SMYD3: variants seen among roughly 807,000 people sequenced by gnomAD.
SMYD3 encodes SET and MYND domain containing 3.
A neutral mutation model predicts 57.7 loss-of-function variants in SMYD3; 36 were observed. That is an observed-to-expected ratio of 0.62 (90% CI 0.48 to 0.82). The LOEUF is 0.82. Among genes scored for constraint, SMYD3 ranks in the 40% least tolerant of loss-of-function variants. SMYD3 has a pLI of 0.00. For missense variants in SMYD3, 515 were observed against 538.8 expected (o/e 0.96, Z 0.44); for synonymous variants, 211 against 195.0 (o/e 1.08, Z -0.68).
chr1:245,999,109 T>C (rs954637617), intron 5 of SMYD3, among the ~76,000 whole-genome samples: 2 of 151,958 alleles, frequency 1.3e-5, no homozygotes, highest in African/African-American at 4.8e-5. Flanking sequence ...CACTGAATTA[T>C]ACACTCAGAG....
At chr1:245,928,609 G>A (rs2056533680) in intron 6 of SMYD3, among the ~76,000 whole-genome samples, 1 of 152,110 alleles carries the variant, frequency 6.6e-6, no homozygotes, top group Admixed American at 6.5e-5. Flanking sequence ...AGGAGGCGGA[G>A]GTTGCAGTGA....
intron 5 of SMYD3, among the ~76,000 whole-genome samples, chr1:246,002,938 A>G (rs2059104392): frequency 6.6e-6 from 1 of 152,092 alleles, no homozygotes; most frequent in Non-Finnish European, 1.5e-5. Context: ...GTAGTTCCCA[A>G]CCCATTCTTC....
At chr1:246,209,438 A>G (rs2063052868) in intron 5 of SMYD3, among the ~76,000 whole-genome samples, 1 of 152,212 alleles carries the variant, frequency 6.6e-6, no homozygotes, top group Admixed American at 6.5e-5. Flanking sequence ...CAGGGTATAT[A>G]TAACAAGAGG....
chr1:246,264,757 T>C (rs924287527), intron 5 of SMYD3, among the ~76,000 whole-genome samples: 2 of 152,184 alleles, frequency 1.3e-5, no homozygotes, highest in African/African-American at 4.8e-5. Context: ...TATTACCTGT[T>C]AGTGGCTCTG....
At chr1:245,824,873 A>C (rs113522057) in intron 10 of SMYD3, among the ~76,000 whole-genome samples, 2,786 of 151,500 alleles carry the variant, frequency 0.018, 58 homozygotes, top group East Asian at 0.062. Context: ...AAAAAAACAA[A>C]AAAAAAAATT....
chr1:246,094,039 T>C (rs1315262345), intron 5 of SMYD3, among the ~76,000 whole-genome samples: 1 of 152,098 alleles, frequency 6.6e-6, no homozygotes. Flanking sequence ...AAAAACCCAC[T>C]TGGCCATAAG....
chr1:246,352,294 A>C (rs2148701602), intron 2 of SMYD3, among the ~76,000 whole-genome samples: 1 of 152,300 alleles, frequency 6.6e-6, no homozygotes, highest in Middle Eastern at 3.4e-3. Flanking sequence ...ATCAAATGCT[A>C]AGCTAGTGAA....
At chr1:246,240,331 C>A (rs1180277172) in intron 5 of SMYD3, among the ~76,000 whole-genome samples, 2 of 152,204 alleles carry the variant, frequency 1.3e-5, no homozygotes, top group Non-Finnish European at 2.9e-5. Context: ...TTGCCAGCAA[C>A]ATTTATTAAA....
At chr1:246,179,665 A>G (rs767333803) in intron 5 of SMYD3, among the ~76,000 whole-genome samples, 3 of 152,214 alleles carry the variant, frequency 2.0e-5, no homozygotes, top group Non-Finnish European at 4.4e-5. Context: ...TTCTCCTAGA[A>G]GAAGCCAGAT....
At chr1:246,331,971 C>T (rs1417052312) in intron 3 of SMYD3, among the ~76,000 whole-genome samples, 4 of 39,820 alleles carry the variant, frequency 1.0e-4, no homozygotes, top group East Asian at 3.8e-4. Flanking sequence ...CTCCGCCGAC[C>T]GGCTTATTCC....
chr1:245,771,997 T>A (rs2046357724), intron 10 of SMYD3, among the ~76,000 whole-genome samples: 1 of 152,204 alleles, frequency 6.6e-6, no homozygotes, highest in African/African-American at 2.4e-5. Context: ...AAGTGGGTGA[T>A]GAATCACTGC....
intron 5 of SMYD3, among the ~76,000 whole-genome samples, chr1:246,255,304 TTTG>T (rs2063863961): frequency 8.6e-6 from 1 of 115,878 alleles, no homozygotes; most frequent in Non-Finnish European, 1.9e-5. Flanking sequence ...GATCTTATTA[TTTG>T]ATGGATCTTA....
chr1:246,257,708 T>C lies in SMYD3; in HGVS notation c.531+69493A>G, dbSNP rs116998554. 7.2e-5 allele frequency among the ~76,000 whole-genome samples: 11 copies of C among 152,350 alleles called. No homozygotes were observed. In the East Asian group the frequency reaches 1.7e-3, roughly 24 times the overall value. ...TAGTTTCTATTATGCGGTTGCTTTA[T>C]AGGGTCTGTGGGCTATGTGCTTAAG... is the stretch of plus-strand genomic sequence containing the variant. On this transcript the variant is annotated intron_variant, in intron 5 of 11. Transcript: ENST00000490107.
At chr1:246,225,549 G>C (rs2063318974) in intron 5 of SMYD3, among the ~76,000 whole-genome samples, 2 of 152,056 alleles carry the variant, frequency 1.3e-5, no homozygotes, top group Admixed American at 1.3e-4. Context: ...GTGTGTGAGA[G>C]AGCTAGAGCA....
chr1:246,280,551 C>T (rs2064421259), intron 5 of SMYD3, among the ~76,000 whole-genome samples: 1 of 152,112 alleles, frequency 6.6e-6, no homozygotes, highest in Non-Finnish European at 1.5e-5. Context: ...TGAGCCCAGG[C>T]GTTCGAGTCC....
intron 1 of SMYD3, among the ~76,000 whole-genome samples, chr1:246,424,941 T>C (rs1237541949): frequency 1.3e-5 from 2 of 152,244 alleles, no homozygotes; most frequent in African/African-American, 4.8e-5. Flanking sequence ...TAATTTCTTA[T>C]ATACTTTACA....
At chr1:245,990,685 A>G (rs1315218430) in intron 5 of SMYD3, among the ~76,000 whole-genome samples, 1 of 152,238 alleles carries the variant, frequency 6.6e-6, no homozygotes, top group East Asian at 1.9e-4. Flanking sequence ...AGTGGCCTCT[A>G]GAAGCTGGAA....
chr1:246,042,939 T>A (rs930095023), intron 5 of SMYD3, among the ~76,000 whole-genome samples: 7 of 152,196 alleles, frequency 4.6e-5, no homozygotes, highest in African/African-American at 1.7e-4. Flanking sequence ...CTACTCTTAA[T>A]AAATACGTAA....
chr1:246,166,018 C>A (rs943644554), intron 5 of SMYD3, among the ~76,000 whole-genome samples: 8 of 151,982 alleles, frequency 5.3e-5, no homozygotes, highest in Non-Finnish European at 1.2e-4. Context: ...CAACAAGGGT[C>A]ATCCTCGGTG....
Sources: allele counts gnomAD v4.1 joint callset (sites outside exome capture counted in the v4.1 genomes callset), GRCh38; gene constraint gnomAD v4.1.1; transcripts MANE v1.5; gene names NCBI Gene and HGNC (gene_info 2026-07-23, HGNC 2026-07-21).